Variants in ARL15 observed in about 807,000 individuals in gnomAD.
ARL15 encodes the protein ADP-ribosylation factor-like protein 15.
ARL15 carries 19 observed loss-of-function variants against 25.2 expected under a neutral mutation model. The ratio of observed to expected loss-of-function variants is 0.75; its 90% CI spans 0.53 to 1.10. ARL15 has a LOEUF of 1.10. Among genes scored for constraint, ARL15 ranks in the 50% least tolerant of loss-of-function variants. The pLI is 0.00. For synonymous variants in ARL15, 94 were observed against 86.8 expected, an observed-to-expected ratio of 1.08 and a Z score of -0.46; for missense variants, 220 against 246.0, an observed-to-expected ratio of 0.89 and a Z score of 0.71.
chr5:53,908,677 T>A (rs778137345), intron 4 of ARL15, among the ~76,000 whole-genome samples: 10 of 152,222 alleles, frequency 6.6e-5, no homozygotes, highest in Non-Finnish European at 1.3e-4. Flanking sequence ...CCACTTGTAT[T>A]CAGATTTTCA....
chr5:53,993,432 C>A (rs541888706), intron 4 of ARL15, among the ~76,000 whole-genome samples: 29 of 152,116 alleles, frequency 1.9e-4, no homozygotes, highest in African/African-American at 6.5e-4. Flanking sequence ...ACATAGGAGA[C>A]CCTGTCTCTA....
chr5:53,891,774 T>C (rs1426919763), intron 4 of ARL15, among the ~76,000 whole-genome samples: 1 of 152,188 alleles, frequency 6.6e-6, no homozygotes, highest in Non-Finnish European at 1.5e-5. Flanking sequence ...TCTAAGGAGC[T>C]TTGGAAAGTT....
chr5:54,254,754 C>G (rs558559190), intron 1 of ARL15, among the ~76,000 whole-genome samples: 8 of 147,150 alleles, frequency 5.4e-5, no homozygotes, highest in African/African-American at 2.2e-4. Context: ...CTTTCCTCAT[C>G]CAGAAAAAAT....
At chr5:54,234,556 C>T (rs924545878) in intron 1 of ARL15, among the ~76,000 whole-genome samples, 1 of 152,058 alleles carries the variant, frequency 6.6e-6, no homozygotes, top group African/African-American at 2.4e-5. Context: ...CTGGTAAGGC[C>T]ACTATTTTAA....
chr5:54,212,098 C>T (rs911743361), intron 1 of ARL15, among the ~76,000 whole-genome samples: 7 of 152,096 alleles, frequency 4.6e-5, no homozygotes, highest in East Asian at 1.9e-4. Flanking sequence ...ATATAGTCTC[C>T]GTCACAATTA....
chr5:54,203,172 C>T (rs1217465728), intron 1 of ARL15, among the ~76,000 whole-genome samples: 2 of 152,068 alleles, frequency 1.3e-5, no homozygotes, highest in Non-Finnish European at 2.9e-5. Context: ...TACTCAGCTC[C>T]CCACTCCCCC....
intron 1 of ARL15, among the ~76,000 whole-genome samples, chr5:54,235,374 G>A (rs571918361): frequency 5.3e-5 from 8 of 152,170 alleles, no homozygotes; most frequent in Admixed American, 4.6e-4. Context: ...GAAATATATG[G>A]TTAAACTAAA....
chr5:54,151,162 A>C (rs1006865319), intron 3 of ARL15, among the ~76,000 whole-genome samples: 2 of 152,194 alleles, frequency 1.3e-5, no homozygotes, highest in Non-Finnish European at 1.5e-5. Context: ...ATAAGGGCAA[A>C]ACAGAAGAAG....
chr5:54,303,779 GAAACA>G (rs1459525980), intron 1 of ARL15, among the ~76,000 whole-genome samples: 1 of 136,850 alleles, frequency 7.3e-6, no homozygotes, highest in Non-Finnish European at 1.6e-5. Flanking sequence ...GAAGAAAAAC[GAAACA>G]AAACAAAACT....
At chr5:54,294,275 A>C (rs1195241016) in intron 1 of ARL15, among the ~76,000 whole-genome samples, 1 of 152,236 alleles carries the variant, frequency 6.6e-6, no homozygotes, top group Non-Finnish European at 1.5e-5. Flanking sequence ...TTCTGTTGAA[A>C]CACAACCACA....
At chr5:53,990,982 A>AT (rs1468896739) in intron 4 of ARL15, among the ~76,000 whole-genome samples, 4 of 151,880 alleles carry the variant, frequency 2.6e-5, no homozygotes, top group Non-Finnish European at 5.9e-5. Context: ...TGAATGTTTG[A>AT]TTTTGAAATA....
At chr5:54,216,841 T>C (rs1468537201) in intron 1 of ARL15, among the ~76,000 whole-genome samples, 1 of 152,186 alleles carries the variant, frequency 6.6e-6, no homozygotes, top group Non-Finnish European at 1.5e-5. Flanking sequence ...CCGTACAAGT[T>C]AAGCATAAAA....
intron 3 of ARL15, among the ~76,000 whole-genome samples, chr5:54,152,806 C>T (rs531295550): frequency 6.6e-6 from 1 of 152,324 alleles, no homozygotes; most frequent in Admixed American, 6.5e-5. Context: ...GGGAACAGCT[C>T]TTTCGGCAAA....
At chr5:54,143,820 T>G (rs189045536) in intron 3 of ARL15, among the ~76,000 whole-genome samples, 1 of 152,200 alleles carries the variant, frequency 6.6e-6, no homozygotes, top group Non-Finnish European at 1.5e-5. Flanking sequence ...GATAATTTAT[T>G]ATATGAGCTG....
intron 2 of ARL15, among the ~76,000 whole-genome samples, chr5:54,159,699 A>G (rs1004649029): frequency 6.6e-6 from 1 of 152,210 alleles, no homozygotes; most frequent in Non-Finnish European, 1.5e-5. Flanking sequence ...TCTAAGCTAC[A>G]TTAGTAAGAC....
chr5:54,006,837 T>G (rs1001555622), intron 4 of ARL15, among the ~76,000 whole-genome samples: 1 of 152,054 alleles, frequency 6.6e-6, no homozygotes. Flanking sequence ...ACGTCTGCAA[T>G]GTCAGCACTT....
intron 1 of ARL15, 42 bp from the exon 2 acceptor site, chr5:54,171,970 T>C: frequency 1.3e-6 from 2 of 1,595,834 alleles, no homozygotes; most frequent in Non-Finnish European, 8.6e-7. Context: ...TAAATGACAG[T>C]ATGGAAATAA....
chr5:53,947,534 G>A (rs1746789288), intron 4 of ARL15, among the ~76,000 whole-genome samples: 1 of 152,108 alleles, frequency 6.6e-6, no homozygotes, highest in South Asian at 2.1e-4. Flanking sequence ...AGCAAACCCT[G>A]ATGCAGGGCA....
At chr5:54,076,088 A>G (rs890014030) in intron 4 of ARL15, among the ~76,000 whole-genome samples, 3 of 152,106 alleles carry the variant, frequency 2.0e-5, no homozygotes, top group Non-Finnish European at 4.4e-5. Flanking sequence ...ACCCAGCACA[A>G]TGCTTGGCAG....
Sources: allele counts gnomAD v4.1 joint callset (sites outside exome capture counted in the v4.1 genomes callset), GRCh38; gene constraint gnomAD v4.1.1; transcripts MANE v1.5; gene names NCBI Gene and HGNC (gene_info 2026-07-23, HGNC 2026-07-21).